Variants in NEDD4L observed in about 807,000 individuals in gnomAD.
NEDD4L encodes the protein NEDD4 like E3 ubiquitin protein ligase.
NEDD4L carries 54 observed loss-of-function variants against 148.9 expected under a neutral mutation model. The ratio of observed to expected loss-of-function variants is 0.36; its 90% CI spans 0.29 to 0.45. The LOEUF (loss-of-function observed/expected upper bound fraction) is 0.45, where lower values mean the gene tolerates loss of function less well. Ranked by LOEUF, NEDD4L falls within the 20% of genes least tolerant of loss-of-function variation. The pLI, the probability that NEDD4L is intolerant of heterozygous loss-of-function variation, is 1.00. For missense variants in NEDD4L, 856 were observed against 1,233.8 expected (o/e 0.69, Z 4.59); for synonymous variants, 433 against 440.7 (o/e 0.98, Z 0.22).
At chr18:58,381,023 T>C (rs764544185) in intron 24 of NEDD4L, among the ~76,000 whole-genome samples, 2 of 152,204 alleles carry the variant, frequency 1.3e-5, no homozygotes, top group Non-Finnish European at 2.9e-5. Flanking sequence ...TATAAACATA[T>C]AATTCTGTAT....
At chr18:58,120,105 G>T (rs1402889444) in intron 1 of NEDD4L, among the ~76,000 whole-genome samples, 2 of 152,180 alleles carry the variant, frequency 1.3e-5, no homozygotes, top group African/African-American at 2.4e-5. Flanking sequence ...ATCCCTTCTT[G>T]CTTGCTCTCT....
At chr18:58,375,232 G>C (rs898905023) in intron 24 of NEDD4L, among the ~76,000 whole-genome samples, 1 of 151,966 alleles carries the variant, frequency 6.6e-6, no homozygotes, top group Non-Finnish European at 1.5e-5. Context: ...GCCCTGCTCC[G>C]ATCACTTCTT....
At chr18:58,259,835 A>G (rs1418226386) in intron 5 of NEDD4L, among the ~76,000 whole-genome samples, 1 of 152,222 alleles carries the variant, frequency 6.6e-6, no homozygotes, top group Non-Finnish European at 1.5e-5. Context: ...CTCAGTGGAC[A>G]TGTACTTCAC....
chr18:58,390,601 A>G (rs1437611943), intron 28 of NEDD4L, 45 bp from the exon 29 acceptor site: 4 of 1,234,870 alleles, frequency 3.2e-6, no homozygotes, highest in Middle Eastern at 1.9e-4. Context: ...AGCATGTGCC[A>G]TGGGTCACGT....
intron 1 of NEDD4L, among the ~76,000 whole-genome samples, chr18:58,074,434 ATT>A (rs544878321): frequency 0.24 from 27,146 of 111,594 alleles, 3,023 homozygotes; most frequent in African/African-American, 0.31. Flanking sequence ...AATTTTTTGT[ATT>A]TTTTTTTTTT....
chr18:58,233,391 A>G (rs1254480702), intron 2 of NEDD4L, among the ~76,000 whole-genome samples: 2 of 152,216 alleles, frequency 1.3e-5, no homozygotes, highest in African/African-American at 2.4e-5. Flanking sequence ...CAAAAGGCAC[A>G]TCTTACATGG....
rs548706874 is a variant in NEDD4L, at chr18:58,180,777, T to C, written c.122+14916T>C. ...TTTTCTGTCCTCCCTACATTAAAGT[T>C]AGCACTGATGCCTTTATGTTTAAGG... On this transcript the variant is annotated intron_variant, in intron 2 of 30. Coordinates refer to ENST00000400345, the MANE Select transcript of NEDD4L (RefSeq NM_001144967.3). Among the ~76,000 whole-genome samples the C allele has an allele frequency of 2.6e-5, 4 of 152,344 alleles. 1 individual carries two copies. The highest frequency in any genetic ancestry group is 9.6e-5 in the African/African-American group (4 of 41,590).
chr18:58,342,067 C>G (rs902059491), intron 15 of NEDD4L, among the ~76,000 whole-genome samples: 1 of 152,210 alleles, frequency 6.6e-6, no homozygotes, highest in African/African-American at 2.4e-5. Context: ...TTCAGGACTT[C>G]CACCGTTCTT....
At chr18:58,396,068 A>T in intron 30 of NEDD4L, 99 bp from the exon 31 acceptor site, 1 of 743,680 alleles carries the variant, frequency 1.3e-6, no homozygotes, top group Non-Finnish European at 2.2e-6. Flanking sequence ...ATTGTTGGTT[A>T]AGGCTTTTTT....
At chr18:58,286,911 A>T (rs566762335) in intron 5 of NEDD4L, among the ~76,000 whole-genome samples, 24 of 152,258 alleles carry the variant, frequency 1.6e-4, no homozygotes, top group African/African-American at 5.8e-4. Flanking sequence ...GCCAGTAGAG[A>T]TTTTCCCAGA....
At chr18:58,248,188 A>G (rs191483874) in intron 3 of NEDD4L, among the ~76,000 whole-genome samples, 28 of 152,294 alleles carry the variant, frequency 1.8e-4, no homozygotes, top group African/African-American at 6.0e-4. Context: ...TTCCTAGAAC[A>G]TGCTTCCTCT....
intron 1 of NEDD4L, among the ~76,000 whole-genome samples, chr18:58,151,610 T>A: frequency 6.7e-6 from 1 of 149,230 alleles, no homozygotes. Flanking sequence ...GAAGATGAGG[T>A]AGCTGTGCCT....
chr18:58,292,097 C>T (rs374496931), intron 5 of NEDD4L, among the ~76,000 whole-genome samples: 3 of 152,020 alleles, frequency 2.0e-5, no homozygotes, highest in African/African-American at 4.8e-5. Context: ...AAGGACAGAG[C>T]GAGCACTCAA....
intron 3 of NEDD4L, among the ~76,000 whole-genome samples, chr18:58,248,169 C>T (rs2047504181): frequency 6.6e-6 from 1 of 152,192 alleles, no homozygotes; most frequent in Non-Finnish European, 1.5e-5. Context: ...CACACATGTA[C>T]AGTCTTCCTT....
intron 16 of NEDD4L, among the ~76,000 whole-genome samples, chr18:58,344,520 T>C (rs1365223221): frequency 6.6e-6 from 1 of 152,194 alleles, no homozygotes; most frequent in Non-Finnish European, 1.5e-5. Context: ...CTTTCTATTT[T>C]GAAGTAAGGG....
Position 58,342,898 on chromosome 18 carries a change from T to C in NEDD4L, c.1378-8T>C. On this transcript the variant is annotated splice_polypyrimidine_tract_variant and splice_region_variant and intron_variant, in intron 15 of 30. Coordinates refer to ENST00000400345, the MANE Select transcript of NEDD4L (RefSeq NM_001144967.3). ...TAAAGAGTTCTAATCCTCATTGTTATTCTTTAGGGTGCCAAGGACTCACCC... is the reference window on the plus strand; with the variant it reads ...TAAAGAGTTCTAATCCTCATTGTTACTCTTTAGGGTGCCAAGGACTCACCC... 6.3e-7 allele frequency: 1 copy of C among 1,591,854 alleles called. No individual in the cohort carries two copies. Among genetic ancestry groups the C allele is most frequent in the East Asian group, 2.3e-5 (1 of 43,662 alleles).
At chr18:58,113,001 C>T (rs1407770865) in intron 1 of NEDD4L, among the ~76,000 whole-genome samples, 1 of 152,198 alleles carries the variant, frequency 6.6e-6, no homozygotes, top group Non-Finnish European at 1.5e-5. Flanking sequence ...TGTGAGGATA[C>T]AGCAAAGAAC....
At chr18:58,332,312 C>A (rs1191975442) in intron 11 of NEDD4L, among the ~76,000 whole-genome samples, 1 of 152,046 alleles carries the variant, frequency 6.6e-6, no homozygotes, top group African/African-American at 2.4e-5. Context: ...AGAGTCAAAT[C>A]GGATATTTGC....
At chr18:58,372,843 AAAAAGAGAG>A (rs1408080512) in intron 23 of NEDD4L, among the ~76,000 whole-genome samples, 1 of 146,164 alleles carries the variant, frequency 6.8e-6, no homozygotes, top group African/African-American at 2.6e-5. Flanking sequence ...AAAAAAAAAA[AAAAAGAGAG>A]AGAGAAAAGA....
Sources: allele counts gnomAD v4.1 joint callset (sites outside exome capture counted in the v4.1 genomes callset), GRCh38; gene constraint gnomAD v4.1.1; transcripts MANE v1.5; gene names NCBI Gene and HGNC (gene_info 2026-07-23, HGNC 2026-07-21).